Variants in SMYD3 observed in about 807,000 individuals in gnomAD.
The protein encoded by SMYD3 is histone-lysine N-methyltransferase SMYD3.
In SMYD3, 36 loss-of-function variants were observed where a neutral mutation model predicts 57.7. The observed-to-expected ratio is 0.62, with a 90% confidence interval of 0.48 to 0.82. The LOEUF (loss-of-function observed/expected upper bound fraction) is 0.82. Among genes scored for constraint, SMYD3 ranks in the 40% least tolerant of loss-of-function variants. The pLI is 0.00. For synonymous variants in SMYD3, 211 were observed against 195.0 expected, an observed-to-expected ratio of 1.08 and a Z score of -0.68; for missense variants, 515 against 538.8, an observed-to-expected ratio of 0.96 and a Z score of 0.44.
Position 245,977,072 on chromosome 1 carries a change from T to C in SMYD3, c.532-47135A>G, listed in dbSNP as rs147777254. On this transcript the variant is annotated intron_variant, in intron 5 of 11. Coordinates refer to ENST00000490107, the MANE Select transcript of SMYD3 (RefSeq NM_001167740.2). ...CCGGCCCAGGGAAAGCCATCGTCTC[T>C]AGCCTATGTTATTGTGACACTCTTA... 2.3e-4 allele frequency among the ~76,000 whole-genome samples: 35 copies of C among 149,692 alleles called. 3 individuals are homozygous for C. The highest frequency in any genetic ancestry group is 6.9e-4 in the African/African-American group (28 of 40,390).
At chr1:246,039,692 A>T (rs763115982) in intron 5 of SMYD3, among the ~76,000 whole-genome samples, 1 of 152,236 alleles carries the variant, frequency 6.6e-6, no homozygotes, top group Non-Finnish European at 1.5e-5. Context: ...GTTGAGCCAC[A>T]AGATGACAAA....
Position 245,978,911 on chromosome 1 carries a change from G to C in SMYD3, c.532-48974C>G, listed in dbSNP as rs533732363. Among the ~76,000 whole-genome samples, 30 of 152,258 alleles carry C rather than the reference G, an allele frequency of 2.0e-4. No individual in the cohort carries two copies. The South Asian group carries it at 6.0e-3, about 31-fold the overall frequency. ...GAATTTCTTTCCTGGGAAACACCTGGGAAAGAGACCAAAAATTCAGGACAG... is the reference window on the plus strand; with the variant it reads ...GAATTTCTTTCCTGGGAAACACCTGCGAAAGAGACCAAAAATTCAGGACAG... On this transcript the variant is annotated intron_variant, in intron 5 of 11. Transcript: ENST00000490107.
At chr1:246,186,905 T>C in intron 5 of SMYD3, 2 of 985,426 alleles carry the variant, frequency 2.0e-6, no homozygotes, top group Non-Finnish European at 2.4e-6. Flanking sequence ...CTTAGAGTCA[T>C]TATGCAAGAG....
chr1:246,496,588 G>C (rs2103073679), intron 1 of SMYD3, among the ~76,000 whole-genome samples: 1 of 152,248 alleles, frequency 6.6e-6, no homozygotes, highest in African/African-American at 2.4e-5. Flanking sequence ...AGCACTTTGG[G>C]AGGCCGATGC....
chr1:245,922,862 A>G (rs1572698973), intron 7 of SMYD3, among the ~76,000 whole-genome samples: 1 of 152,248 alleles, frequency 6.6e-6, no homozygotes, highest in African/African-American at 2.4e-5. Flanking sequence ...AATAAAAAAA[A>G]TGAATATGTA....
chr1:246,475,502 C>A (rs545745327), intron 1 of SMYD3, among the ~76,000 whole-genome samples: 14 of 151,916 alleles, frequency 9.2e-5, no homozygotes, highest in African/African-American at 2.9e-4. Context: ...AAAAAATAGC[C>A]GGGCATGATG....
chr1:245,985,593 T>C (rs1452986167), intron 5 of SMYD3, among the ~76,000 whole-genome samples: 1 of 152,136 alleles, frequency 6.6e-6, no homozygotes, highest in Non-Finnish European at 1.5e-5. Context: ...TCTGCTCCCT[T>C]ATTCCCGTCT....
intron 1 of SMYD3, among the ~76,000 whole-genome samples, chr1:246,374,738 C>T (rs922256213): frequency 2.6e-5 from 4 of 151,960 alleles, no homozygotes; most frequent in Non-Finnish European, 5.9e-5. Flanking sequence ...AGTGTGAGGC[C>T]GAGGTTGGTG....
chr1:246,222,508 T>TA (rs1245244478), intron 5 of SMYD3, among the ~76,000 whole-genome samples: 9 of 152,148 alleles, frequency 5.9e-5, no homozygotes, highest in Non-Finnish European at 1.3e-4. Context: ...CAGTGAGACC[T>TA]AACTCACAAG....
At chr1:246,325,346 G>C (rs1323847488) in intron 5 of SMYD3, among the ~76,000 whole-genome samples, 2 of 151,300 alleles carry the variant, frequency 1.3e-5, no homozygotes, top group Non-Finnish European at 2.9e-5. Flanking sequence ...TTTATAAGCA[G>C]AAAAATACAA....
chr1:246,137,705 C>T (rs2061684642), intron 5 of SMYD3, among the ~76,000 whole-genome samples: 1 of 152,202 alleles, frequency 6.6e-6, no homozygotes, highest in Non-Finnish European at 1.5e-5. Flanking sequence ...TTTCCCTCCA[C>T]CCTACAGAGT....
At chr1:246,472,441 T>C (rs1319590337) in intron 1 of SMYD3, among the ~76,000 whole-genome samples, 28 of 152,160 alleles carry the variant, frequency 1.8e-4, no homozygotes, top group Admixed American at 5.2e-4. Flanking sequence ...ATATATACCA[T>C]ATGGTTAAAA....
At chr1:245,833,315 C>A (rs951808775) in intron 10 of SMYD3, among the ~76,000 whole-genome samples, 1 of 152,166 alleles carries the variant, frequency 6.6e-6, no homozygotes, top group Non-Finnish European at 1.5e-5. Flanking sequence ...CATCTACCCA[C>A]GTCTCTTTTA....
intron 5 of SMYD3, among the ~76,000 whole-genome samples, chr1:246,068,587 C>A (rs1374507600): frequency 6.6e-6 from 1 of 152,202 alleles, no homozygotes; most frequent in Non-Finnish European, 1.5e-5. Context: ...AGGGTGCCTG[C>A]AACCTGCTAC....
chr1:246,148,880 T>A (rs530580009), intron 5 of SMYD3, among the ~76,000 whole-genome samples: 1 of 152,300 alleles, frequency 6.6e-6, no homozygotes, highest in South Asian at 2.1e-4. Context: ...CAGGGCAGAG[T>A]TACTGCAGCA....
At chr1:246,287,740 C>T (rs2064599934) in intron 5 of SMYD3, among the ~76,000 whole-genome samples, 1 of 152,076 alleles carries the variant, frequency 6.6e-6, no homozygotes, top group African/African-American at 2.4e-5. Flanking sequence ...TTTATGGAAA[C>T]AGGAATACAA....
intron 5 of SMYD3, among the ~76,000 whole-genome samples, chr1:246,256,663 T>C (rs2063900376): frequency 6.6e-6 from 1 of 152,238 alleles, no homozygotes; most frequent in Non-Finnish European, 1.5e-5. Context: ...TGGGTCTCAA[T>C]TTCATTCAGC....
At chr1:246,324,218 C>G (rs1293383116) in intron 5 of SMYD3, among the ~76,000 whole-genome samples, 1 of 151,976 alleles carries the variant, frequency 6.6e-6, no homozygotes, top group Non-Finnish European at 1.5e-5. Context: ...AGATTGAGAC[C>G]AGCCTGGCCA....
chr1:246,184,287 G>A (rs1432997236), intron 5 of SMYD3, among the ~76,000 whole-genome samples: 1 of 152,184 alleles, frequency 6.6e-6, no homozygotes, highest in Non-Finnish European at 1.5e-5. Context: ...AGAAAAGCAA[G>A]TATATTGCCC....
Sources: allele counts gnomAD v4.1 joint callset (sites outside exome capture counted in the v4.1 genomes callset), GRCh38; gene constraint gnomAD v4.1.1; transcripts MANE v1.5; gene names NCBI Gene and HGNC (gene_info 2026-07-23, HGNC 2026-07-21).